TBC1D15: variants seen among roughly 807,000 people sequenced by gnomAD.
TBC1D15 encodes GAP for RAB7.
A neutral mutation model predicts 95.4 loss-of-function variants in TBC1D15; 39 were observed. The observed-to-expected ratio is 0.41, with a 90% CI of 0.32 to 0.53. TBC1D15 has a LOEUF of 0.53. Among genes scored for constraint, TBC1D15 ranks in the 20% least tolerant of loss-of-function variants. The pLI, the probability that TBC1D15 is intolerant of heterozygous loss-of-function variation, is 0.29. For missense variants in TBC1D15, 733 were observed against 794.3 expected (o/e 0.92, Z 0.93); for synonymous variants, 258 against 261.3 (o/e 0.99, Z 0.12).
At chr12:71,895,266 A>T (rs925989809) in intron 7 of TBC1D15, among the ~76,000 whole-genome samples, 3 of 152,064 alleles carry the variant, frequency 2.0e-5, no homozygotes, top group East Asian at 1.9e-4. Flanking sequence ...ATTCTCATGT[A>T]ATACTTCCTT....
intron 11 of TBC1D15, chr12:71,907,393 C>G (rs1900992456): frequency 4.1e-6 from 1 of 242,314 alleles, no homozygotes; most frequent in African/African-American, 2.2e-5. Flanking sequence ...GGACACCACT[C>G]TAACTACTAG....
At chr12:71,860,636 T>C (rs1351547376) in intron 1 of TBC1D15, among the ~76,000 whole-genome samples, 1 of 152,202 alleles carries the variant, frequency 6.6e-6, no homozygotes, top group Non-Finnish European at 1.5e-5. Flanking sequence ...TTAGGAGTTT[T>C]TTGGTAGAGC....
intron 1 of TBC1D15, among the ~76,000 whole-genome samples, chr12:71,868,484 G>T (rs1891971024): frequency 6.6e-6 from 1 of 151,968 alleles, no homozygotes; most frequent in Admixed American, 6.6e-5. Flanking sequence ...CTGACCTCGT[G>T]ATCCACCCAC....
chr12:71,861,218 A>G (rs1438415598), intron 1 of TBC1D15, among the ~76,000 whole-genome samples: 1 of 152,162 alleles, frequency 6.6e-6, no homozygotes, highest in African/African-American at 2.4e-5. Flanking sequence ...TGCTGCCCTT[A>G]TACAATGAGT....
chr12:71,892,893 G>A (rs1208538431), intron 5 of TBC1D15, among the ~76,000 whole-genome samples: 2 of 151,456 alleles, frequency 1.3e-5, no homozygotes, highest in East Asian at 3.9e-4. Flanking sequence ...ATCTTGTAAT[G>A]GTTTTCTACT....
chr12:71,921,261 A>C, intron 15 of TBC1D15, 107 bp from the exon 16 acceptor site: 1 of 492,828 alleles, frequency 2.0e-6, no homozygotes, highest in Non-Finnish European at 3.4e-6. Flanking sequence ...TTTTTATTTT[A>C]AGGATTTTAT....
At chr12:71,883,639 C>T (rs1895652392) in intron 4 of TBC1D15, among the ~76,000 whole-genome samples, 1 of 152,066 alleles carries the variant, frequency 6.6e-6, no homozygotes, top group African/African-American at 2.4e-5. Flanking sequence ...CTGATCTAGT[C>T]TTGTAAGCAA....
intron 3 of TBC1D15, among the ~76,000 whole-genome samples, chr12:71,874,418 C>G (rs952978001): frequency 1.3e-5 from 2 of 152,050 alleles, no homozygotes; most frequent in Non-Finnish European, 2.9e-5. Flanking sequence ...GGTATTGGTT[C>G]TATTTGATGT....
intron 11 of TBC1D15, chr12:71,907,740 C>T (rs1440734591): frequency 3.3e-5 from 5 of 152,130 alleles, no homozygotes; most frequent in Admixed American, 1.3e-4. Context: ...AGTTTGCAAA[C>T]CGTTGTTTGA....
chr12:71,908,883 G>C (rs766731165), intron 11 of TBC1D15, among the ~76,000 whole-genome samples: 1 of 152,148 alleles, frequency 6.6e-6, no homozygotes, highest in Non-Finnish European at 1.5e-5. Flanking sequence ...TAGAGACCCA[G>C]GTTTTTATTG....
Position 71,894,480 on chromosome 12 carries a change from C to T in TBC1D15, c.658-206C>T, listed in dbSNP as rs1001784213. 2.3e-6 allele frequency: 3 copies of T among 1,293,350 alleles called. No individual in the cohort carries two copies. The Admixed American group carries it at 6.4e-5, about 28-fold the overall frequency. The allele number at this position is 1,293,350 out of a possible 1,614,324, so 80.1% of individuals were successfully genotyped here. On this transcript the variant is annotated intron_variant, in intron 6 of 16. Coordinates refer to ENST00000485960, the MANE Select transcript of TBC1D15 (RefSeq NM_001146213.3). ...TAGCATTAACTTGTCATTTATTATG[C>T]TATTTTAACCAAATGAAATGATTGG... is the stretch of plus-strand genomic sequence containing the variant.
At chr12:71,898,793 A>G (rs1023033708) in intron 10 of TBC1D15, among the ~76,000 whole-genome samples, 3 of 152,130 alleles carry the variant, frequency 2.0e-5, no homozygotes, top group African/African-American at 7.2e-5. Flanking sequence ...TAATTTTTTA[A>G]ATTATATTTA....
At chr12:71,854,460 T>G (rs1888555599) in intron 1 of TBC1D15, 1 of 429,224 alleles carries the variant, frequency 2.3e-6, no homozygotes, top group Non-Finnish European at 4.6e-6. Flanking sequence ...TTTGTTCTCT[T>G]TGTTGTTATG....
chr12:71,911,070 G>A (rs1437862291), intron 11 of TBC1D15, among the ~76,000 whole-genome samples: 2 of 152,158 alleles, frequency 1.3e-5, no homozygotes, highest in Non-Finnish European at 2.9e-5. Flanking sequence ...AAACCACAGT[G>A]AGATACCATC....
intron 1 of TBC1D15, among the ~76,000 whole-genome samples, chr12:71,865,817 T>C (rs555341925): frequency 6.6e-6 from 1 of 152,176 alleles, no homozygotes; most frequent in South Asian, 2.1e-4. Context: ...AGGGCACCAG[T>C]TTCCCAGGGA....
intron 5 of TBC1D15, among the ~76,000 whole-genome samples, chr12:71,888,350 C>T (rs1276605297): frequency 6.6e-6 from 1 of 151,968 alleles, no homozygotes; most frequent in African/African-American, 2.4e-5. Flanking sequence ...GCTGTAATCC[C>T]AGCTACTCGG....
In TBC1D15 at chr12:71,920,019, G is replaced by A. The variant is rs1190122102; in HGVS notation, c.1600-712G>A. 2.6e-5 allele frequency among the ~76,000 whole-genome samples: 4 copies of A among 152,160 alleles called. 1 individual carries two copies. The highest frequency in any genetic ancestry group is 9.6e-5 in the African/African-American group (4 of 41,452). Reference sequence around the variant, plus strand: ...ACTTGATTTACTCCTTTTGAAAGAAGTAAACACATTTCGGGTATGATCTCA... The same window carrying A: ...ACTTGATTTACTCCTTTTGAAAGAAATAAACACATTTCGGGTATGATCTCA... On this transcript the variant is annotated intron_variant, in intron 14 of 16. Coordinates refer to ENST00000485960, the MANE Select transcript of TBC1D15 (RefSeq NM_001146213.3).
intron 1 of TBC1D15, among the ~76,000 whole-genome samples, chr12:71,844,070 TA>T (rs956440607): frequency 5.3e-5 from 8 of 152,192 alleles, no homozygotes; most frequent in African/African-American, 1.9e-4. Context: ...CTCTCACATC[TA>T]ATCAGTCATG....
chr12:71,894,547 A>C lies in TBC1D15; in HGVS notation c.658-139A>C, dbSNP rs115539895. 112 of 1,087,024 alleles carry C rather than the reference A, an allele frequency of 1.0e-4. No homozygotes were observed. The African/African-American group carries it at 1.6e-3, about 15-fold the overall frequency. 67.3% of individuals were successfully genotyped at this position (1,087,024 alleles called of 1,614,324 possible). A position where few individuals can be genotyped will look rare whatever the true frequency, so the allele number is the denominator to read the frequency against. On this transcript the variant is annotated intron_variant, in intron 6 of 16. Coordinates refer to ENST00000485960, the MANE Select transcript of TBC1D15 (RefSeq NM_001146213.3). The stretch of plus-strand genomic sequence containing the variant: ...TTTTCTTTGAAGAAAGAAAATACAA[A>C]TTTAAGATAATCTTAGAACACTCTG...
Sources: allele counts gnomAD v4.1 joint callset (sites outside exome capture counted in the v4.1 genomes callset), GRCh38; gene constraint gnomAD v4.1.1; transcripts MANE v1.5; gene names NCBI Gene and HGNC (gene_info 2026-07-23, HGNC 2026-07-21).